The following HMGCLL1 variants were observed in gnomAD, a reference collection of about 807,000 sequenced individuals.
HMGCLL1 encodes 3-hydroxy-3-methylglutaryl-CoA lyase like 1, also known as 3-hydroxymethyl-3-methylglutaryl-CoA lyase, cytoplasmic.
A neutral mutation model predicts 39.1 loss-of-function variants in HMGCLL1; 36 were observed. The observed-to-expected ratio is 0.92, with a 90% CI of 0.71 to 1.22. HMGCLL1 has a LOEUF of 1.22. Ranked by LOEUF, HMGCLL1 falls within the 50% of genes most tolerant of loss-of-function variation. HMGCLL1 has a pLI of 0.00. For missense variants in HMGCLL1, 451 were observed against 416.5 expected (o/e 1.08, Z -0.72); for synonymous variants, 149 against 144.0 (o/e 1.03, Z -0.25).
the HMGCLL1 span, among the ~76,000 whole-genome samples, chr6:55,656,870 T>G: frequency 6.6e-6 from 1 of 151,828 alleles, no homozygotes; most frequent in African/African-American, 2.4e-5. Context: ...CCAGTTAAAT[T>G]TTTATTGCAA....
At chr6:55,627,930 ACT>A in the HMGCLL1 span, among the ~76,000 whole-genome samples, 1 of 1,716 alleles carries the variant, frequency 5.8e-4, no homozygotes, top group African/African-American at 4.0e-3. Flanking sequence ...TAATATATAT[ACT>A]ATATATATAG....
At chr6:55,666,464 C>A in the HMGCLL1 span, among the ~76,000 whole-genome samples, 1 of 151,622 alleles carries the variant, frequency 6.6e-6, no homozygotes, top group South Asian at 2.1e-4. Context: ...TTCTTTCCCA[C>A]CCCTTGCCAT....
rs781103945 is a variant in HMGCLL1 at position 55,541,784 on chromosome 6, G to A, written c.242C>T (p.Thr81Ile). Residue 81 changes from threonine (T) to isoleucine (I), a missense_variant, in exon 3 of 9, where the codon ACT becomes ATT. Coordinates refer to ENST00000274901, the MANE Select transcript of HMGCLL1 (RefSeq NM_001042406.2). ...AGTCACTTCTATTACAGACAAGCCAGTTTGGGAAAGTCGATTGATAAATTC... is the reference window on the plus strand; with the variant it reads ...AGTCACTTCTATTACAGACAAGCCAATTTGGGAAAGTCGATTGATAAATTC... ...KIEFINRLSQTGLSVIEVTSF... is the reference protein window; with the variant it reads ...KIEFINRLSQIGLSVIEVTSF... 1.2e-6 allele frequency: 2 copies of A among 1,610,088 alleles called. No homozygotes were observed. The highest frequency in any genetic ancestry group is 1.7e-6 in the Non-Finnish European group (2 of 1,177,836).
At chr6:55,674,928 G>A in the HMGCLL1 span, among the ~76,000 whole-genome samples, 13 of 152,054 alleles carry the variant, frequency 8.5e-5, 1 homozygote, top group African/African-American at 3.1e-4. Context: ...ATGTTCTTTT[G>A]GAAGTGGAAA....
chr6:55,617,781 A>G, the HMGCLL1 span, among the ~76,000 whole-genome samples: 3 of 152,162 alleles, frequency 2.0e-5, no homozygotes, highest in South Asian at 2.1e-4. Flanking sequence ...AGAGAGCTCC[A>G]TGCCCTAGGG....
At chr6:55,446,433 A>G (rs1261850428) in intron 7 of HMGCLL1, among the ~76,000 whole-genome samples, 1 of 151,818 alleles carries the variant, frequency 6.6e-6, no homozygotes, top group Non-Finnish European at 1.5e-5. Flanking sequence ...TCAATGGCCC[A>G]GGATACCATA....
intron 8 of HMGCLL1, 43 bp from the exon 9 acceptor site, chr6:55,435,806 G>A: frequency 9.6e-7 from 1 of 1,044,670 alleles, no homozygotes; most frequent in Non-Finnish European, 1.4e-6. Context: ...AGAGGGATTA[G>A]AGAGAAAAAA....
the HMGCLL1 span, among the ~76,000 whole-genome samples, chr6:55,643,725 CTGGCTTATT>C: frequency 1.3e-5 from 2 of 151,928 alleles, no homozygotes; most frequent in Non-Finnish European, 2.9e-5. Context: ...CTTTCTGTGC[CTGGCTTATT>C]TCACTTAAAA....
At chr6:55,577,024 C>CCGTA in intron 1 of HMGCLL1, 1 of 1,606,258 alleles carries the variant, frequency 6.2e-7, no homozygotes, top group East Asian at 2.2e-5. Flanking sequence ...TAGATTGTCA[C>CCGTA]TCAAACTCAC....
At chr6:55,660,223 A>T in the HMGCLL1 span, among the ~76,000 whole-genome samples, 2 of 151,734 alleles carry the variant, frequency 1.3e-5, no homozygotes, top group African/African-American at 4.8e-5. Flanking sequence ...ATTATATTTA[A>T]CTTTTATTTT....
intron 7 of HMGCLL1, among the ~76,000 whole-genome samples, chr6:55,459,091 T>C (rs1254084052): frequency 6.6e-6 from 1 of 152,166 alleles, no homozygotes; most frequent in Non-Finnish European, 1.5e-5. Flanking sequence ...TCCTCTCCTG[T>C]CAAAATTAGT....
At position 55,547,892 on chromosome 6, in the gene HMGCLL1, G is replaced by A. The variant is rs142507564; in HGVS notation, c.109-5752C>T. 3.6e-3 allele frequency among the ~76,000 whole-genome samples: 554 copies of A among 151,990 alleles called. 2 individuals are homozygous for A. Among genetic ancestry groups the A allele is most frequent in the African/African-American group, 0.013 (541 of 41,474 alleles). ...ACAAACTATTATCATTTATATAGCA[G>A]ATATCCATAGAAACCTTGATCATCC... On this transcript the variant is annotated intron_variant, in intron 1 of 8. Transcript: ENST00000274901.
chr6:55,477,926 TCAAA>T (rs914660369), intron 7 of HMGCLL1, among the ~76,000 whole-genome samples: 20 of 151,070 alleles, frequency 1.3e-4, no homozygotes, highest in Non-Finnish European at 2.2e-4. Flanking sequence ...CTTGTAAAAA[TCAAA>T]CAGAGTCGAT....
intron 8 of HMGCLL1, among the ~76,000 whole-genome samples, 183 bp from the exon 9 acceptor site, chr6:55,435,946 G>A (rs1247216123): frequency 6.6e-6 from 1 of 151,948 alleles, no homozygotes; most frequent in African/African-American, 2.4e-5. Context: ...TAACATTTTA[G>A]ATTTGTCTGC....
chr6:55,607,928 G>T, the HMGCLL1 span, among the ~76,000 whole-genome samples: 1 of 152,032 alleles, frequency 6.6e-6, no homozygotes, highest in African/African-American at 2.4e-5. Flanking sequence ...TAAGATGAAA[G>T]AAACAAAACA....
chr6:55,491,114 T>C (rs1766288443), intron 7 of HMGCLL1, among the ~76,000 whole-genome samples: 1 of 152,118 alleles, frequency 6.6e-6, no homozygotes, highest in African/African-American at 2.4e-5. Flanking sequence ...GCAGACATCA[T>C]TACATCATCC....
At chr6:55,549,924 T>C (rs1384983361) in intron 1 of HMGCLL1, among the ~76,000 whole-genome samples, 1 of 152,076 alleles carries the variant, frequency 6.6e-6, no homozygotes, top group East Asian at 1.9e-4. Flanking sequence ...CCATTCAAAC[T>C]TCAAATAAAA....
the HMGCLL1 span, among the ~76,000 whole-genome samples, chr6:55,670,691 A>G: frequency 1.3e-5 from 2 of 151,808 alleles, no homozygotes; most frequent in Admixed American, 6.6e-5. Context: ...CCACTATAAA[A>G]CATTGTAAAA....
intron 5 of HMGCLL1, among the ~76,000 whole-genome samples, chr6:55,501,118 TC>T (rs1209303693): frequency 6.6e-6 from 1 of 151,876 alleles, no homozygotes; most frequent in African/African-American, 2.4e-5. Context: ...TCACACTGTC[TC>T]ATTTCATGTT....
Sources: gnomAD v4.1 joint callset for allele counts (sites outside exome capture counted in the v4.1 genomes callset) on GRCh38, gnomAD v4.1.1 for gene constraint, MANE v1.5 for transcripts, NCBI Gene and HGNC (gene_info 2026-07-23, HGNC 2026-07-21) for gene names.